The following KCNQ1OT1 variants were observed in gnomAD, a reference collection of about 807,000 sequenced individuals.
KCNQ1OT1 encodes the protein KCNQ1 opposite strand/antisense transcript 1, also known as KCNQ1 antisense RNA 2 (non-protein coding).
Position 2,621,663 on chromosome 11 carries a change from T to A in KCNQ1OT1, n.78332A>T. The A allele has an allele frequency of 2.5e-6, 1 of 398,526 alleles. No individual in the cohort carries two copies. Among genetic ancestry groups the A allele is most frequent in the Non-Finnish European group, 4.4e-6 (1 of 226,020 alleles). The allele number at this position is 398,526 out of a possible 1,614,324, so 24.7% of individuals were successfully genotyped here. A position where few individuals can be genotyped will look rare whatever the true frequency, so the allele number is the denominator to read the frequency against. ...CATTTCCTCTAGGTTATCCAATTTG[T>A]TGGGATATAATTGTTCATAAAAGTC... On this transcript the variant is annotated non_coding_transcript_exon_variant, in exon 1 of 1. Coordinates refer to ENST00000597346, the Ensembl canonical transcript of KCNQ1OT1. The surrounding 1 kb of genome is among the most constrained non-coding windows in gnomAD (Gnocchi z 5.7).
chr11:2,694,712 T>C (rs2133896261), exon 1 of KCNQ1OT1: 2 of 398,538 alleles, frequency 5.0e-6, no homozygotes, highest in East Asian at 7.1e-5. Flanking sequence ...TCTCTTCCGG[T>C]GGAAGAGATA....
exon 1 of KCNQ1OT1, chr11:2,628,517 A>T: frequency 2.5e-6 from 1 of 398,404 alleles, no homozygotes; most frequent in Non-Finnish European, 4.4e-6. Flanking sequence ...TAGTTATATG[A>T]GTTCCTTATA....
chr11:2,663,634 A>G lies in KCNQ1OT1; in HGVS notation n.36361T>C. ...TCACGGACCAGCATCCAGACATGCA[A>G]AAAGTCCTACTGGGAGGAGAGGGCC... is the stretch of plus-strand genomic sequence containing the variant. On this transcript the variant is annotated non_coding_transcript_exon_variant, in exon 1 of 1. Transcript: ENST00000597346. This position sits in a 1 kb window ranked among gnomAD's most constrained non-coding sequence, Gnocchi z 5.2. 1 of 398,674 alleles carries G rather than the reference A, an allele frequency of 2.5e-6. No individual in the cohort carries two copies. Among genetic ancestry groups the G allele is most frequent in the East Asian group, 3.6e-5 (1 of 28,076 alleles). 24.7% of individuals were successfully genotyped at this position (398,674 alleles called of 1,614,324 possible).
chr11:2,662,671 C>T (rs1030433454), exon 1 of KCNQ1OT1: 19 of 405,062 alleles, frequency 4.7e-5, no homozygotes, highest in Admixed American at 4.5e-4. Context: ...TGTGACTCCC[C>T]GCTGGGGTGC....
exon 1 of KCNQ1OT1, chr11:2,666,632 T>A: frequency 2.5e-6 from 1 of 398,620 alleles, no homozygotes; most frequent in Non-Finnish European, 4.4e-6. Context: ...TGGCCCCAAA[T>A]TTGGCTTCAT....
exon 1 of KCNQ1OT1, chr11:2,610,716 C>CTTTTTTTTTTTTT (rs1167505141): frequency 1.3e-4 from 31 of 230,166 alleles, no homozygotes; most frequent in South Asian, 1.3e-3. Flanking sequence ...TCTTGGTTGG[C>CTTTTTTTTTTTTT]TTTTTTTTTT....
At chr11:2,609,490 T>C in exon 1 of KCNQ1OT1, 1 of 398,444 alleles carries the variant, frequency 2.5e-6, no homozygotes, top group Non-Finnish European at 4.4e-6. Flanking sequence ...ATACTGTATA[T>C]TCAATGTTGG....
rs1237450684 is a variant in KCNQ1OT1 at position 2,611,811 on chromosome 11, G to A, written n.88184C>T. The A allele has an allele frequency of 2.5e-6, 1 of 398,174 alleles. No individual in the cohort carries two copies. Among genetic ancestry groups the A allele is most frequent in the African/African-American group, 2.1e-5 (1 of 48,534 alleles). 24.7% of individuals were successfully genotyped at this position (398,174 alleles called of 1,614,324 possible). ...CTCTCTTCCTCCTTTACTGCCTTCT[G>A]CAGGTTGAATAGATATGTTCTAGAG... On this transcript the variant is annotated non_coding_transcript_exon_variant, in exon 1 of 1. Transcript: ENST00000597346. The surrounding 1 kb of genome is among the most constrained non-coding windows in gnomAD (Gnocchi z 5.3).
At chr11:2,649,003 T>C (rs1590004472) in exon 1 of KCNQ1OT1, 1 of 344,424 alleles carries the variant, frequency 2.9e-6, no homozygotes, top group Admixed American at 5.7e-5. Context: ...TTTTTTTTTT[T>C]TGACTCAGTA....
chr11:2,648,252 C>G (rs1849698146), exon 1 of KCNQ1OT1: 2 of 398,498 alleles, frequency 5.0e-6, no homozygotes, highest in Non-Finnish European at 8.8e-6. Flanking sequence ...GTCTTTTTTA[C>G]CTTTTATCTC....
At position 2,677,339 on chromosome 11, in the gene KCNQ1OT1, AG is replaced by A. The variant is rs1437278054; in HGVS notation, n.22655del. ...AATGATGTCAAATGATTTCTCAAAT[AG>A]AGACTGGGCAGAGTAGACCAGTTAG... On this transcript the variant is annotated non_coding_transcript_exon_variant, in exon 1 of 1. Coordinates refer to ENST00000597346, the Ensembl canonical transcript of KCNQ1OT1. The surrounding 1 kb of genome is among the most constrained non-coding windows in gnomAD (Gnocchi z 4.5). The A allele has an allele frequency of 7.5e-6, 3 of 398,532 alleles. No homozygotes were observed. The highest frequency in any genetic ancestry group is 1.3e-5 in the Non-Finnish European group (3 of 226,072). The allele number at this position is 398,532 out of a possible 1,614,324, so 24.7% of individuals were successfully genotyped here.
chr11:2,667,625 T>C (rs1003639329), exon 1 of KCNQ1OT1: 3 of 398,642 alleles, frequency 7.5e-6, no homozygotes, highest in East Asian at 7.1e-5. Flanking sequence ...AGATCTCTTG[T>C]GTGCTCTGCT....
exon 1 of KCNQ1OT1, chr11:2,622,989 C>T (rs1849200092): frequency 5.0e-6 from 2 of 398,654 alleles, no homozygotes; most frequent in Non-Finnish European, 8.8e-6. Context: ...TGTGTTCCCA[C>T]CCAAATCTCA....
chr11:2,660,077 C>G (rs1021121831), exon 1 of KCNQ1OT1: 7 of 398,226 alleles, frequency 1.8e-5, no homozygotes, highest in African/African-American at 1.2e-4. Flanking sequence ...TTTTCTCTTA[C>G]GAGTTAAACT....
At chr11:2,643,658 TTGA>T in exon 1 of KCNQ1OT1, 1 of 398,554 alleles carries the variant, frequency 2.5e-6, no homozygotes, top group Non-Finnish European at 4.4e-6. Flanking sequence ...AAGGTTATTG[TTGA>T]TATGTGAGGG....
exon 1 of KCNQ1OT1, chr11:2,686,256 C>G (rs1850487800): frequency 2.5e-6 from 1 of 398,644 alleles, no homozygotes; most frequent in South Asian, 1.3e-4. Flanking sequence ...CAGCAAATGT[C>G]TGCCACCCCA....
rs543122652 is a variant in KCNQ1OT1, at chr11:2,657,455, A to G, written n.42540T>C. ...TAGATAATTAATATTCTTTTGTGCTATTGTATACAGGTTCTGTTTTCTCTT... is the reference window on the plus strand; with the variant it reads ...TAGATAATTAATATTCTTTTGTGCTGTTGTATACAGGTTCTGTTTTCTCTT... On this transcript the variant is annotated non_coding_transcript_exon_variant, in exon 1 of 1. Coordinates refer to ENST00000597346, the Ensembl canonical transcript of KCNQ1OT1. This position sits in a 1 kb window ranked among gnomAD's most constrained non-coding sequence, Gnocchi z 4.8. 732 of 398,526 alleles carry G rather than the reference A, an allele frequency of 1.8e-3. 2 individuals carry two copies. The highest frequency in any genetic ancestry group is 2.8e-3 in the Non-Finnish European group (641 of 226,032). The allele number at this position is 398,526 out of a possible 1,614,324, so 24.7% of individuals were successfully genotyped here.
exon 1 of KCNQ1OT1, chr11:2,680,635 A>G (rs1850380643): frequency 5.0e-6 from 2 of 398,588 alleles, no homozygotes; most frequent in African/African-American, 4.1e-5. Context: ...TATTCTGACC[A>G]GGATATTGCA....
exon 1 of KCNQ1OT1, chr11:2,609,813 C>T (rs527494912): frequency 7.5e-6 from 3 of 397,906 alleles, no homozygotes; most frequent in Non-Finnish European, 1.3e-5. Flanking sequence ...TTAAAATCTC[C>T]TTTGACTTTA....
Sources: gnomAD v4.1 joint callset for allele counts on GRCh38, gnomAD v4.1.1 for gene constraint, Gnocchi (gnomAD v3.1) non-coding constraint, MANE v1.5 for transcripts, NCBI Gene and HGNC (gene_info 2026-07-23, HGNC 2026-07-21) for gene names.